ZNF469: variants seen among roughly 807,000 people sequenced by gnomAD.
ZNF469 encodes zinc finger protein 469.
ZNF469 carries 1 observed loss-of-function variant against 1.0 expected under a neutral mutation model. That is an observed-to-expected ratio of 1.00 (90% confidence interval 0.35 to 4.73). The LOEUF (loss-of-function observed/expected upper bound fraction) is 4.73, where lower values mean the gene tolerates loss of function less well. Among genes scored for constraint, ZNF469 ranks in the 30% most tolerant of loss-of-function variants. The pLI is 0.16. For synonymous variants in ZNF469, 2,703 were observed against 2,363.4 expected, an observed-to-expected ratio of 1.14 and a Z score of -4.17; for missense variants, 6,100 against 5,356.3, an observed-to-expected ratio of 1.14 and a Z score of -4.33.
At chr16:88,229,633 T>TTA in the ZNF469 span, among the ~76,000 whole-genome samples, 1 of 135,792 alleles carries the variant, frequency 7.4e-6, no homozygotes, top group Non-Finnish European at 1.6e-5. Flanking sequence ...CGTGTGGATG[T>TTA]CACGTGTGTG....
the ZNF469 span, among the ~76,000 whole-genome samples, chr16:88,144,227 C>T: frequency 5.3e-5 from 8 of 152,180 alleles, no homozygotes; most frequent in Admixed American, 1.3e-4. Flanking sequence ...GGGCGGGGGG[C>T]GTCTCTCTGG....
chr16:88,419,840 G>C (rs1905405996), intron 1 of ZNF469, among the ~76,000 whole-genome samples: 1 of 152,252 alleles, frequency 6.6e-6, no homozygotes, highest in African/African-American at 2.4e-5. Flanking sequence ...TCTCAGGCCA[G>C]GGCCTTGGAG....
At chr16:88,150,645 G>A in the ZNF469 span, among the ~76,000 whole-genome samples, 305 of 152,008 alleles carry the variant, frequency 2.0e-3, 1 homozygote, top group Non-Finnish European at 2.8e-3. Flanking sequence ...TGGACCCACG[G>A]TGAAAATCCT....
the ZNF469 span, among the ~76,000 whole-genome samples, chr16:88,363,344 C>G: frequency 1.3e-5 from 2 of 152,230 alleles, no homozygotes; most frequent in Admixed American, 1.3e-4. Context: ...CCTTTAGATT[C>G]TGCTGTGTGC....
the ZNF469 span, among the ~76,000 whole-genome samples, chr16:88,376,961 G>T: frequency 6.6e-6 from 1 of 152,362 alleles, no homozygotes; most frequent in Admixed American, 6.5e-5. Context: ...CAGGGAGGAC[G>T]GCTCTGCCCG....
At chr16:88,175,490 T>C in the ZNF469 span, among the ~76,000 whole-genome samples, 2 of 152,308 alleles carry the variant, frequency 1.3e-5, no homozygotes, top group South Asian at 2.1e-4. Context: ...ACAATATATG[T>C]TTTCTGACCA....
the ZNF469 span, among the ~76,000 whole-genome samples, chr16:88,269,434 T>C: frequency 1.3e-5 from 2 of 152,222 alleles, no homozygotes; most frequent in Non-Finnish European, 2.9e-5. Flanking sequence ...CCACAGGAGA[T>C]GAATATCACC....
At chr16:88,148,234 T>A in the ZNF469 span, among the ~76,000 whole-genome samples, 4 of 152,112 alleles carry the variant, frequency 2.6e-5, no homozygotes, top group African/African-American at 9.7e-5. Flanking sequence ...CAGAGGCGTG[T>A]GGTGTTTTGC....
the ZNF469 span, among the ~76,000 whole-genome samples, chr16:88,355,694 T>C: frequency 6.6e-6 from 1 of 152,112 alleles, no homozygotes; most frequent in African/African-American, 2.4e-5. Flanking sequence ...AGGCCTATCA[T>C]CCAGGGGCTG....
the ZNF469 span, among the ~76,000 whole-genome samples, chr16:88,148,651 T>C: frequency 0.2 from 30,366 of 152,138 alleles, 3,479 homozygotes; most frequent in East Asian, 0.5. Context: ...AAGCTGTCAG[T>C]GGATCCGGGC....
At chr16:88,363,061 T>C in the ZNF469 span, among the ~76,000 whole-genome samples, 1 of 152,236 alleles carries the variant, frequency 6.6e-6, no homozygotes, top group African/African-American at 2.4e-5. Flanking sequence ...GTTTCCTTTT[T>C]ATAGTTTCTA....
chr16:88,295,635 C>G, the ZNF469 span, among the ~76,000 whole-genome samples: 5 of 152,142 alleles, frequency 3.3e-5, no homozygotes, highest in African/African-American at 2.4e-5. Flanking sequence ...AGCTGTACAA[C>G]TGTACACATT....
At position 88,434,638 on chromosome 16, in the gene ZNF469, G is replaced by C. The variant is rs117474182; in HGVS notation, c.7168G>C (p.Ala2390Pro). The C allele has an allele frequency of 6.5e-7, 1 of 1,550,290 alleles. No homozygotes were observed. Among genetic ancestry groups the C allele is most frequent in the East Asian group, 2.4e-5 (1 of 40,908 alleles). ...GACCCCTGAGACCGGGCGCTCTGGT[G>C]CTACCAAGATGCCCAGGGTCACCTG... ...PGTPETGRSG[A>P]TKMPRVTCPS... The change falls in exon 3 of 3, where the codon GCT (alanine) becomes CCT (proline). Residue 2390 changes from alanine (A) to proline (P), a missense_variant. Physicochemically the swap from Ala to Pro is conservative, Grantham distance 27. Transcript: ENST00000565624.
At chr16:88,239,700 TATATATATA>T in the ZNF469 span, among the ~76,000 whole-genome samples, 7 of 7,486 alleles carry the variant, frequency 9.4e-4, no homozygotes, top group African/African-American at 4.9e-3. Context: ...TATATATATA[TATATATATA>T]TATATATTTT....
the ZNF469 span, among the ~76,000 whole-genome samples, chr16:88,319,916 T>A: frequency 6.6e-6 from 1 of 152,218 alleles, no homozygotes; most frequent in Non-Finnish European, 1.5e-5. Flanking sequence ...AAAGCCAGAA[T>A]GGTGGGCTCC....
chr16:88,329,038 C>T, the ZNF469 span, among the ~76,000 whole-genome samples: 1 of 152,218 alleles, frequency 6.6e-6, no homozygotes, highest in Non-Finnish European at 1.5e-5. Flanking sequence ...CACCTGCCTC[C>T]ATATTTCCTG....
chr16:88,191,949 G>A, the ZNF469 span, among the ~76,000 whole-genome samples: 1 of 152,200 alleles, frequency 6.6e-6, no homozygotes, highest in South Asian at 2.1e-4. Context: ...CCAGCGTGAT[G>A]GTATTTGGAG....
At position 88,438,388 on chromosome 16, in the gene ZNF469, G is replaced by A; in HGVS notation, c.10918G>A (p.Glu3640Lys). 1 of 1,550,140 alleles carries A rather than the reference G, an allele frequency of 6.5e-7. No individual in the cohort carries two copies. The change falls in exon 3 of 3, where the codon GAA becomes AAA. Residue 3640 changes from glutamate to lysine, a missense_variant. Glu to Lys is a moderately conservative substitution (Grantham distance 56, BLOSUM62 1). Transcript: ENST00000565624. ...CAGGTGTGCCCCTGACCATTTCCAG[G>A]AAGACCACCTACTTCAGAAAGAGAA... is the stretch of plus-strand genomic sequence containing the variant. Reference protein sequence around the residue: ...RGRCAPDHFQEDHLLQKEKEV... With the variant: ...RGRCAPDHFQKDHLLQKEKEV...
At chr16:88,284,195 G>C in the ZNF469 span, among the ~76,000 whole-genome samples, 5 of 152,098 alleles carry the variant, frequency 3.3e-5, no homozygotes, top group African/African-American at 9.7e-5. Context: ...GGTCAGCGGA[G>C]GCTGGTAGAC....
Sources: gnomAD v4.1 joint callset for allele counts (sites outside exome capture counted in the v4.1 genomes callset) on GRCh38, gnomAD v4.1.1 for gene constraint, MANE v1.5 for transcripts, NCBI Gene and HGNC (gene_info 2026-07-23, HGNC 2026-07-21) for gene names.